Variants in GCSAM observed in about 807,000 individuals in gnomAD.
GCSAM encodes the protein germinal center-associated signaling and motility protein.
In GCSAM, 8 loss-of-function variants were observed where a neutral mutation model predicts 17.6. That is an observed-to-expected ratio of 0.46 (90% confidence interval 0.27 to 0.82). The LOEUF (loss-of-function observed/expected upper bound fraction) is 0.82. Ranked by LOEUF, GCSAM falls within the 40% of genes least tolerant of loss-of-function variation. The pLI is 0.15. For missense variants in GCSAM, 192 were observed against 213.5 expected (o/e 0.90, Z 0.63); for synonymous variants, 68 against 69.0 (o/e 0.98, Z 0.07).
intron 3 of GCSAM, among the ~76,000 whole-genome samples, 183 bp downstream of exon 3, chr3:112,127,834 G>A (rs1235742406): frequency 6.6e-6 from 1 of 152,148 alleles, no homozygotes; most frequent in Non-Finnish European, 1.5e-5. Flanking sequence ...CGACCCATGA[G>A]ACTATTGTTC....
intron 1 of GCSAM, 133 bp from the exon 2 acceptor site, chr3:112,130,646 A>G (rs2074431274): frequency 1.3e-6 from 1 of 768,680 alleles, no homozygotes; most frequent in South Asian, 1.5e-5. Flanking sequence ...GCCCTCACAC[A>G]TGTTAATACT....
In GCSAM at chr3:112,120,853, AAAATTTATTTACTGG is replaced by A. The variant is rs1414219996; in HGVS notation, c.*2587_*2601del. 1 of 152,220 alleles carries A rather than the reference AAAATTTATTTACTGG, an allele frequency of 6.6e-6. No individual in the cohort carries two copies. The highest frequency in any genetic ancestry group is 1.5e-5 in the Non-Finnish European group (1 of 68,034). The allele number at this position is 152,220 out of a possible 1,614,324, so 9.4% of individuals were successfully genotyped here. ...GACATAGTGGGTATTTTGGGACATTAAAATTTATTTACTGGAAATTTGAGACATCCTACATATTAA... is the reference window on the plus strand; with the variant it reads ...GACATAGTGGGTATTTTGGGACATTAAAATTTGAGACATCCTACATATTAA... On this transcript the variant is annotated 3_prime_UTR_variant, in exon 6 of 6. Coordinates refer to ENST00000308910, the MANE Select transcript of GCSAM (RefSeq NM_152785.5).
Position 112,133,157 on chromosome 3 carries a change from T to G in GCSAM, c.-37A>C, listed in dbSNP as rs1192835186. 2 of 1,612,312 alleles carry G rather than the reference T, an allele frequency of 1.2e-6. No homozygotes were observed. Among genetic ancestry groups the G allele is most frequent in the Non-Finnish European group, 1.7e-6 (2 of 1,178,350 alleles). On this transcript the variant is annotated 5_prime_UTR_variant, in exon 1 of 6. Coordinates refer to ENST00000308910, the MANE Select transcript of GCSAM (RefSeq NM_152785.5). ...TCTCAGGGCTTCCCCTCCGTCCCTT[T>G]ACCACTTCCTTCTTGCCTTGTGCTC... is the stretch of plus-strand genomic sequence containing the variant.
At chr3:112,128,241 T>A (rs1413582854) in intron 2 of GCSAM, 180 bp from the exon 3 acceptor site, 1 of 704,818 alleles carries the variant, frequency 1.4e-6, no homozygotes, top group South Asian at 1.5e-5. Context: ...AGGATGAAGA[T>A]GATACTATCA....
At chr3:112,128,235 T>G (rs761854240) in intron 2 of GCSAM, 174 bp from the exon 3 acceptor site, 6 of 706,920 alleles carry the variant, frequency 8.5e-6, no homozygotes, top group Admixed American at 2.0e-5. Context: ...CTTCCTAGGA[T>G]GAAGATGATA....
At chr3:112,133,003 GCTAACTGTATA>G in intron 1 of GCSAM, 78 bp downstream of exon 1, 1 of 1,348,950 alleles carries the variant, frequency 7.4e-7, no homozygotes, top group East Asian at 2.4e-5. Flanking sequence ...AACTTAGTGT[GCTAACTGTATA>G]CTAGCTTTCT....
At position 112,127,130 on chromosome 3, in the gene GCSAM, G is replaced by A; in HGVS notation, c.144-97C>T. On this transcript the variant is annotated intron_variant, in intron 3 of 5. Transcript: ENST00000308910. ...AACTTACTTTTAACTCTTTGTTAAA[G>A]TTATATACCTTTTATAATACCTCCT... 6 of 733,508 alleles carry A rather than the reference G, an allele frequency of 8.2e-6. No homozygotes were observed. In the South Asian group the frequency reaches 8.9e-5, roughly 11 times the overall value. 45.4% of individuals were successfully genotyped at this position (733,508 alleles called of 1,614,324 possible).
At chr3:112,125,370 TCTC>T (rs1038400602) in intron 4 of GCSAM, 116 bp from the exon 5 acceptor site, 31 of 721,882 alleles carry the variant, frequency 4.3e-5, no homozygotes, top group Middle Eastern at 2.5e-4. Flanking sequence ...GGGTAGCTCT[TCTC>T]AGGCTATTCT....
intron 3 of GCSAM, among the ~76,000 whole-genome samples, chr3:112,127,756 G>T (rs113850770): frequency 2.0e-5 from 3 of 152,304 alleles, no homozygotes; most frequent in African/African-American, 7.2e-5. Context: ...TGAAAAAAAC[G>T]TATGTTTTCT....
At chr3:112,128,262 C>G (rs2074375243) in intron 2 of GCSAM, 1 of 695,236 alleles carries the variant, frequency 1.4e-6, no homozygotes. Flanking sequence ...AATTCCTAAT[C>G]AGGAAAAAAG....
At chr3:112,125,353 A>G in intron 4 of GCSAM, 99 bp from the exon 5 acceptor site, 2 of 816,722 alleles carry the variant, frequency 2.4e-6, no homozygotes, top group South Asian at 2.8e-5. Flanking sequence ...AAGCCAAGAA[A>G]CAGCTGGGGT....
Position 112,123,373 on chromosome 3 carries a change from G to A in GCSAM, c.*82C>T. ...GTGGGAGATAAGCTGGAGGGACTTT[G>A]TGTCCCATCCCTGCTTCAGGCAGAT... On this transcript the variant is annotated 3_prime_UTR_variant, in exon 6 of 6. Transcript: ENST00000308910. 4 of 1,552,842 alleles carry A rather than the reference G, an allele frequency of 2.6e-6. No homozygotes were observed. The highest frequency in any genetic ancestry group is 2.3e-5 in the East Asian group (1 of 44,406).
chr3:112,126,961 A>G, intron 4 of GCSAM, 26 bp downstream of exon 4: 2 of 1,510,906 alleles, frequency 1.3e-6, no homozygotes, highest in Non-Finnish European at 1.8e-6. Flanking sequence ...ATCAAAAGTG[A>G]AAATACTAGG....
chr3:112,128,483 A>T (rs1303760848), intron 2 of GCSAM: 2 of 330,014 alleles, frequency 6.1e-6, no homozygotes, highest in African/African-American at 2.1e-5. Context: ...TTTACAGTAT[A>T]TTGCAATTGT....
chr3:112,126,732 C>T (rs112036199), intron 4 of GCSAM, among the ~76,000 whole-genome samples: 3 of 152,170 alleles, frequency 2.0e-5, no homozygotes, highest in African/African-American at 7.2e-5. Flanking sequence ...CTTTTGTATC[C>T]TTGCCCCCAG....
intron 4 of GCSAM, among the ~76,000 whole-genome samples, chr3:112,126,504 G>A (rs780152030): frequency 8.5e-5 from 13 of 152,062 alleles, no homozygotes; most frequent in Non-Finnish European, 1.3e-4. Flanking sequence ...CTGCTCTTCC[G>A]GCTCCTTGCT....
chr3:112,123,149 C>G lies in GCSAM; in HGVS notation c.*306G>C. On this transcript the variant is annotated 3_prime_UTR_variant, in exon 6 of 6. Coordinates refer to ENST00000308910, the MANE Select transcript of GCSAM (RefSeq NM_152785.5). ...AAGATCCCAGACAGAAGAGCAGAGCCCCTTGTGGTGTGCATAGCTTTAGGG... is the reference window on the plus strand; with the variant it reads ...AAGATCCCAGACAGAAGAGCAGAGCGCCTTGTGGTGTGCATAGCTTTAGGG... 1 of 380,778 alleles carries G rather than the reference C, an allele frequency of 2.6e-6. No individual in the cohort carries two copies. Among genetic ancestry groups the G allele is most frequent in the Middle Eastern group, 7.7e-4 (1 of 1,306 alleles). 23.6% of individuals were successfully genotyped at this position (380,778 alleles called of 1,614,324 possible). A position where few individuals can be genotyped will look rare whatever the true frequency, so the allele number is the denominator to read the frequency against.
Position 112,123,637 on chromosome 3 carries a change from C to T in GCSAM, c.355G>A (p.Glu119Lys), listed in dbSNP as rs914169740. 6.2e-7 allele frequency: 1 copy of T among 1,614,184 alleles called. No individual in the cohort carries two copies. The highest frequency in any genetic ancestry group is 1.7e-5 in the Admixed American group (1 of 60,022). Reference protein sequence around the residue: ...NVPCKAERPRESLGGTETEYS... With the variant: ...NVPCKAERPRKSLGGTETEYS... ...TCAGTCTCAGTTCCTCCCAAGGACT[C>T]TCTGGGTCTCTCAGCTTTGCAGGGA... The change falls in exon 6 of 6, where the codon GAG becomes AAG. Residue 119 changes from glutamate (E) to lysine (K), a missense_variant. Coordinates refer to ENST00000308910, the MANE Select transcript of GCSAM (RefSeq NM_152785.5).
rs759386575 is a variant in GCSAM at position 112,133,149 on chromosome 3, C to T, written c.-29G>A. 20 of 1,613,212 alleles carry T rather than the reference C, an allele frequency of 1.2e-5. No individual in the cohort carries two copies. The highest frequency in any genetic ancestry group is 1.2e-4 in the South Asian group (11 of 91,062). On this transcript the variant is annotated 5_prime_UTR_variant, in exon 1 of 6. Coordinates refer to ENST00000308910, the MANE Select transcript of GCSAM (RefSeq NM_152785.5). ...CTCAGTCCTCTCAGGGCTTCCCCTC[C>T]GTCCCTTTACCACTTCCTTCTTGCC... is the stretch of plus-strand genomic sequence containing the variant.
Sources: allele counts gnomAD v4.1 joint callset (sites outside exome capture counted in the v4.1 genomes callset), GRCh38; gene constraint gnomAD v4.1.1; transcripts MANE v1.5; gene names NCBI Gene and HGNC (gene_info 2026-07-23, HGNC 2026-07-21).